The following GUCY1A2 variants were observed in gnomAD, a reference collection of about 807,000 sequenced individuals.
GUCY1A2 encodes the protein guanylate cyclase 1 soluble subunit alpha 2.
Under a neutral mutation model 63.5 loss-of-function variants are expected in GUCY1A2, and 27 were observed. The ratio of observed to expected loss-of-function variants is 0.43; its 90% CI spans 0.31 to 0.59. GUCY1A2 has a LOEUF of 0.59. Among genes scored for constraint, GUCY1A2 ranks in the 20% least tolerant of loss-of-function variants. The pLI, the probability that GUCY1A2 is intolerant of heterozygous loss-of-function variation, is 0.11. For missense variants in GUCY1A2, 768 were observed against 913.3 expected, an observed-to-expected ratio of 0.84 and a Z score of 2.05; for synonymous variants, 364 against 343.5, an observed-to-expected ratio of 1.06 and a Z score of -0.66.
At chr11:106,782,329 G>C (rs1182033956) in intron 5 of GUCY1A2, among the ~76,000 whole-genome samples, 1 of 152,226 alleles carries the variant, frequency 6.6e-6, no homozygotes, top group East Asian at 1.9e-4. Context: ...GACAGAGAGA[G>C]AAGAGATATT....
chr11:106,957,575 C>T (rs535168470), intron 3 of GUCY1A2, among the ~76,000 whole-genome samples: 54 of 149,678 alleles, frequency 3.6e-4, no homozygotes, highest in Non-Finnish European at 6.3e-4. Context: ...GGCCTTCTCA[C>T]TACACTGCTC....
At chr11:106,725,937 G>A (rs150869617) in intron 6 of GUCY1A2, among the ~76,000 whole-genome samples, 5 of 152,098 alleles carry the variant, frequency 3.3e-5, no homozygotes, top group African/African-American at 4.8e-5. Flanking sequence ...GGGAGAGGAC[G>A]AGGAAAAGTA....
At chr11:106,984,293 ACT>A (rs758722432) in intron 2 of GUCY1A2, among the ~76,000 whole-genome samples, 8 of 152,260 alleles carry the variant, frequency 5.3e-5, no homozygotes, top group Non-Finnish European at 8.8e-5. Flanking sequence ...CTGGAGTCAA[ACT>A]CTCTGTTTTC....
At chr11:106,777,973 T>C (rs1187770334) in intron 5 of GUCY1A2, among the ~76,000 whole-genome samples, 1 of 152,174 alleles carries the variant, frequency 6.6e-6, no homozygotes, top group African/African-American at 2.4e-5. Context: ...TATTGTCACA[T>C]CCATTCTGAA....
At chr11:106,726,683 T>C (rs1863414803) in intron 6 of GUCY1A2, among the ~76,000 whole-genome samples, 2 of 152,164 alleles carry the variant, frequency 1.3e-5, no homozygotes, top group African/African-American at 4.8e-5. Flanking sequence ...TAAGACTTGG[T>C]GACTGACTGG....
intron 5 of GUCY1A2, among the ~76,000 whole-genome samples, chr11:106,802,764 G>C (rs1198645703): frequency 6.6e-6 from 1 of 152,130 alleles, no homozygotes; most frequent in Non-Finnish European, 1.5e-5. Flanking sequence ...GCAAGCTCAA[G>C]TCACTTCTTC....
intron 4 of GUCY1A2, among the ~76,000 whole-genome samples, chr11:106,862,536 A>C (rs917724238): frequency 2.6e-5 from 4 of 152,022 alleles, no homozygotes; most frequent in East Asian, 1.9e-4. Context: ...AAACTGAAAG[A>C]AGCAGCACCT....
At chr11:106,934,520 A>C (rs1860648716) in intron 4 of GUCY1A2, among the ~76,000 whole-genome samples, 1 of 152,198 alleles carries the variant, frequency 6.6e-6, no homozygotes, top group African/African-American at 2.4e-5. Flanking sequence ...CGCCTCAGAA[A>C]AAGGTGGGCA....
intron 4 of GUCY1A2, among the ~76,000 whole-genome samples, chr11:106,832,314 GA>G (rs1186372410): frequency 4.6e-5 from 7 of 152,194 alleles, no homozygotes; most frequent in African/African-American, 1.7e-4. Flanking sequence ...CATTATTTGA[GA>G]AAATATTGAG....
At chr11:106,878,616 G>C (rs1859782969) in intron 4 of GUCY1A2, among the ~76,000 whole-genome samples, 1 of 151,790 alleles carries the variant, frequency 6.6e-6, no homozygotes, top group African/African-American at 2.4e-5. Flanking sequence ...CCAAACACTG[G>C]GGCCTACTGG....
At chr11:106,904,124 T>A (rs1436396934) in intron 4 of GUCY1A2, among the ~76,000 whole-genome samples, 1 of 152,160 alleles carries the variant, frequency 6.6e-6, no homozygotes, top group East Asian at 1.9e-4. Flanking sequence ...CTACTGATAA[T>A]AATGTTTTAC....
At chr11:106,865,794 TATAATA>T (rs564726543) in intron 4 of GUCY1A2, among the ~76,000 whole-genome samples, 2 of 151,088 alleles carry the variant, frequency 1.3e-5, no homozygotes, top group South Asian at 4.2e-4. Flanking sequence ...GAACTTAAAG[TATAATA>T]ATAATAATAA....
At chr11:106,880,004 G>A (rs761456658) in intron 4 of GUCY1A2, among the ~76,000 whole-genome samples, 1 of 152,014 alleles carries the variant, frequency 6.6e-6, no homozygotes, top group Non-Finnish European at 1.5e-5. Context: ...GAATGACCCT[G>A]TATGGTCAAT....
intron 4 of GUCY1A2, among the ~76,000 whole-genome samples, chr11:106,904,369 A>C (rs1021376814): frequency 1.3e-5 from 2 of 152,138 alleles, no homozygotes; most frequent in African/African-American, 4.8e-5. Flanking sequence ...CTATAATGTT[A>C]TCTCAATATT....
intron 2 of GUCY1A2, among the ~76,000 whole-genome samples, chr11:106,982,431 A>G (rs1388803310): frequency 6.6e-6 from 1 of 152,132 alleles, no homozygotes; most frequent in Non-Finnish European, 1.5e-5. Context: ...CAACTAACAT[A>G]AAGATGCACA....
intron 1 of GUCY1A2, 50 bp from the exon 2 acceptor site, chr11:106,986,181 A>T (rs540367395): frequency 1.1e-6 from 1 of 906,936 alleles, no homozygotes; most frequent in Admixed American, 1.8e-5. Flanking sequence ...AATCAGTACC[A>T]TTCCCACTGT....
chr11:106,799,979 T>C (rs1185350356), intron 5 of GUCY1A2, among the ~76,000 whole-genome samples: 1 of 152,130 alleles, frequency 6.6e-6, no homozygotes, highest in Non-Finnish European at 1.5e-5. Flanking sequence ...AGAAAATTTT[T>C]GCAATTTACT....
At chr11:106,998,141 G>C (rs1279794935) in intron 1 of GUCY1A2, among the ~76,000 whole-genome samples, 1 of 152,140 alleles carries the variant, frequency 6.6e-6, no homozygotes, top group Non-Finnish European at 1.5e-5. Flanking sequence ...GATGTGAATT[G>C]TTGTGGGGGA....
intron 3 of GUCY1A2, among the ~76,000 whole-genome samples, chr11:106,943,718 A>C (rs901195008): frequency 2.0e-5 from 3 of 152,198 alleles, no homozygotes; most frequent in Admixed American, 2.0e-4. Flanking sequence ...TAACCTTTTA[A>C]GGTTGCACTT....
Sources: allele counts gnomAD v4.1 joint callset (sites outside exome capture counted in the v4.1 genomes callset), GRCh38; gene constraint gnomAD v4.1.1; transcripts MANE v1.5; gene names NCBI Gene and HGNC (gene_info 2026-07-23, HGNC 2026-07-21).